The following TULP4 variants were observed in gnomAD, a reference collection of about 807,000 sequenced individuals.
TULP4 encodes TUB like protein 4.
TULP4 carries 16 observed loss-of-function variants against 129.0 expected under a neutral mutation model. The ratio of observed to expected loss-of-function variants is 0.12; its 90% CI spans 0.08 to 0.19. The LOEUF is 0.19. Among genes scored for constraint, TULP4 ranks in the 10% least tolerant of loss-of-function variants. TULP4 has a pLI of 1.00. For synonymous variants in TULP4, 998 were observed against 854.0 expected (o/e 1.17, Z -2.94); for missense variants, 1,842 against 2,059.1 (o/e 0.89, Z 2.04).
Position 158,331,772 on chromosome 6 carries a change from TATATATACAC to T in TULP4, c.252+17506_252+17515del, listed in dbSNP as rs1341874825. On this transcript the variant is annotated intron_variant, in intron 1 of 13. Transcript: ENST00000367097. Reference sequence around the variant, plus strand: ...GTATATACACGTGTATATATACACGTATATATACACACACACATACCTACATACACACATT... The same window carrying T: ...GTATATACACGTGTATATATACACGTACACACATACCTACATACACACATT... Among the ~76,000 whole-genome samples, 6 of 12,022 alleles carry T rather than the reference TATATATACAC, an allele frequency of 5.0e-4. 1 individual carries two copies. The highest frequency in any genetic ancestry group is 6.9e-4 in the African/African-American group (4 of 5,800). The allele number at this position is 12,022 out of a possible 152,430, so 7.9% of individuals were successfully genotyped here.
At chr6:158,265,985 AT>A (rs1225984737) in intron 1 of TULP4, among the ~76,000 whole-genome samples, 1 of 152,260 alleles carries the variant, frequency 6.6e-6, no homozygotes, top group East Asian at 1.9e-4. Context: ...ACTGTATCAT[AT>A]TTTGCTATTT....
chr6:158,310,017 G>A (rs956561160), upstream of TULP4, among the ~76,000 whole-genome samples: 2 of 152,216 alleles, frequency 1.3e-5, no homozygotes, highest in Non-Finnish European at 2.9e-5. Context: ...CTTTGTTCAT[G>A]TTCAAGAAAA....
In TULP4 at chr6:158,461,798, G is replaced by A; in HGVS notation, c.1026+69G>A. ...TAGTGAATAGGTTATTATAATTATT[G>A]TTGACAAATTTTATTTTAATCTTTT... On this transcript the variant is annotated intron_variant, in intron 6 of 13. Coordinates refer to ENST00000367097, the MANE Select transcript of TULP4 (RefSeq NM_020245.5). The A allele has an allele frequency of 7.3e-6, 11 of 1,498,902 alleles. 1 individual carries two copies. The South Asian group carries it at 1.2e-4, about 16-fold the overall frequency. The allele number at this position is 1,498,902 out of a possible 1,614,324, so 92.9% of individuals were successfully genotyped here.
At chr6:158,428,917 T>C (rs1228363582) in intron 2 of TULP4, among the ~76,000 whole-genome samples, 2 of 152,224 alleles carry the variant, frequency 1.3e-5, no homozygotes, top group African/African-American at 4.8e-5. Context: ...AATGAATTAA[T>C]GTACATGAAA....
At chr6:158,362,265 A>G (rs1180562023) in intron 1 of TULP4, among the ~76,000 whole-genome samples, 1 of 152,364 alleles carries the variant, frequency 6.6e-6, no homozygotes, top group South Asian at 2.1e-4. Flanking sequence ...CTTCCAGTGA[A>G]GTCTGATACT....
At chr6:158,375,645 G>C (rs946116051) in intron 1 of TULP4, among the ~76,000 whole-genome samples, 4 of 152,208 alleles carry the variant, frequency 2.6e-5, no homozygotes, top group African/African-American at 9.6e-5. Flanking sequence ...TAAGAAGAAG[G>C]CTAGCTTTAT....
chr6:158,466,929 C>G (rs1010686653), intron 6 of TULP4, among the ~76,000 whole-genome samples: 1 of 152,172 alleles, frequency 6.6e-6, no homozygotes, highest in Non-Finnish European at 1.5e-5. Flanking sequence ...CAATTTCAAC[C>G]AGTCTTACAG....
At chr6:158,454,676 G>A (rs994192617) in intron 5 of TULP4, among the ~76,000 whole-genome samples, 3 of 151,776 alleles carry the variant, frequency 2.0e-5, no homozygotes, top group Admixed American at 1.3e-4. Flanking sequence ...CACGATCTTG[G>A]CTCACTGAGT....
intron 1 of TULP4, among the ~76,000 whole-genome samples, chr6:158,294,329 C>G (rs1778993173): frequency 6.6e-6 from 1 of 150,890 alleles, no homozygotes; most frequent in Non-Finnish European, 1.5e-5. Context: ...TGCCACTGCA[C>G]TCCAGCCTGG....
chr6:158,480,902 C>T (rs548437309), intron 7 of TULP4, among the ~76,000 whole-genome samples, 153 bp from the exon 8 acceptor site: 1 of 152,200 alleles, frequency 6.6e-6, no homozygotes, highest in Non-Finnish European at 1.5e-5. Context: ...CACTGTTCTA[C>T]ACCACATAGT....
intron 1 of TULP4, among the ~76,000 whole-genome samples, chr6:158,248,435 A>T (rs1300119866): frequency 7.6e-6 from 1 of 132,394 alleles, no homozygotes; most frequent in Non-Finnish European, 1.7e-5. Flanking sequence ...ACGCCCGGCT[A>T]ATTTTTTTGT....
At chr6:158,242,259 G>A (rs1192155317) in intron 1 of TULP4, 7 of 1,553,222 alleles carry the variant, frequency 4.5e-6, no homozygotes, top group South Asian at 2.2e-5. Flanking sequence ...TCAGCTGGCC[G>A]TGGTCTATCA....
At chr6:158,384,289 C>CTTTT (rs10634916) in intron 1 of TULP4, among the ~76,000 whole-genome samples, 12 of 144,460 alleles carry the variant, frequency 8.3e-5, no homozygotes, top group African/African-American at 7.7e-5. Flanking sequence ...GCCTGTTTAG[C>CTTTT]TTTTTTTTTT....
chr6:158,307,688 G>T (rs1285062399), upstream of TULP4, among the ~76,000 whole-genome samples: 1 of 151,992 alleles, frequency 6.6e-6, no homozygotes, highest in East Asian at 1.9e-4. Context: ...TCACCATGTT[G>T]GCCAGCCCGG....
At chr6:158,426,092 G>A (rs559123179) in intron 2 of TULP4, among the ~76,000 whole-genome samples, 5 of 152,144 alleles carry the variant, frequency 3.3e-5, no homozygotes, top group South Asian at 2.1e-4. Flanking sequence ...TTGTAAATTC[G>A]TTTAAGTATC....
intron 1 of TULP4, among the ~76,000 whole-genome samples, chr6:158,327,082 A>G (rs917495946): frequency 6.6e-6 from 1 of 152,016 alleles, no homozygotes; most frequent in African/African-American, 2.4e-5. Context: ...CATTTGTGAA[A>G]TGGATTTATA....
intron 1 of TULP4, among the ~76,000 whole-genome samples, chr6:158,395,761 G>A (rs1777701038): frequency 1.3e-5 from 2 of 151,554 alleles, no homozygotes; most frequent in Non-Finnish European, 2.9e-5. Flanking sequence ...GAAACAACGA[G>A]TGTCTACCAC....
chr6:158,239,659 C>G (rs1313350605), intron 1 of TULP4, among the ~76,000 whole-genome samples: 2 of 71,526 alleles, frequency 2.8e-5, no homozygotes, highest in Non-Finnish European at 6.2e-5. Flanking sequence ...CACCTCCCTC[C>G]CGGACCGGGC....
Position 158,238,172 on chromosome 6 carries a change from T to C in TULP4, n.68+5869T>C, listed in dbSNP as rs556512049. On this transcript the variant is annotated intron_variant and non_coding_transcript_variant, in intron 1 of 1. Coordinates refer to the TULP4 transcript ENST00000620026. ...TCAATATTAGACATGCTAAGAAATA[T>C]TCTCTTGAGAAATTTTCAACTGTGC... 3.0e-4 allele frequency: 232 copies of C among 777,334 alleles called. 1 individual carries two copies. The highest frequency in any genetic ancestry group is 1.7e-4 in the Non-Finnish European group (73 of 425,018). The allele number at this position is 777,334 out of a possible 1,614,324, so 48.2% of individuals were successfully genotyped here.
Sources: gnomAD v4.1 joint callset for allele counts (sites outside exome capture counted in the v4.1 genomes callset) on GRCh38, gnomAD v4.1.1 for gene constraint, MANE v1.5 for transcripts, NCBI Gene and HGNC (gene_info 2026-07-23, HGNC 2026-07-21) for gene names.